Variants in LAMP5 observed in about 807,000 individuals in gnomAD.
LAMP5 encodes lysosome associated membrane protein 5.
Under a neutral mutation model 30.2 loss-of-function variants are expected in LAMP5, and 36 were observed. The ratio of observed to expected loss-of-function variants is 1.19; its 90% CI spans 0.91 to 1.57. The LOEUF is 1.57. LAMP5 is among the 40% of genes most tolerant of loss of function. LAMP5 has a pLI of 0.00. For synonymous variants in LAMP5, 149 were observed against 134.6 expected, an observed-to-expected ratio of 1.11 and a Z score of -0.74; for missense variants, 377 against 354.9, an observed-to-expected ratio of 1.06 and a Z score of -0.50.
intron 2 of LAMP5, 95 bp from the exon 3 acceptor site, chr20:9,515,905 C>A: frequency 1.5e-6 from 2 of 1,371,578 alleles, no homozygotes; most frequent in East Asian, 2.6e-5. Flanking sequence ...AAGGAGCGCC[C>A]AAGCGTGCAA....
At chr20:9,524,330 T>A (rs1416568446) in intron 5 of LAMP5, among the ~76,000 whole-genome samples, 1 of 152,146 alleles carries the variant, frequency 6.6e-6, no homozygotes, top group African/African-American at 2.4e-5. Flanking sequence ...TCTTAGTAGG[T>A]CATGAGCAGC....
intron 5 of LAMP5, among the ~76,000 whole-genome samples, chr20:9,528,336 G>T (rs1047623846): frequency 3.9e-5 from 6 of 152,044 alleles, no homozygotes; most frequent in Admixed American, 3.3e-4. Context: ...GTGTGTGTTT[G>T]TGTTGGGGAG....
At chr20:9,515,947 C>T in intron 2 of LAMP5, 53 bp from the exon 3 acceptor site, 2 of 1,445,280 alleles carry the variant, frequency 1.4e-6, no homozygotes, top group Non-Finnish European at 1.8e-6. Context: ...CCTTTACAGC[C>T]CCCGCCCCGG....
intron 2 of LAMP5, 150 bp from the exon 3 acceptor site, chr20:9,515,850 G>A: frequency 4.0e-6 from 4 of 991,576 alleles, no homozygotes; most frequent in Non-Finnish European, 5.7e-6. Context: ...GCTGCACGTA[G>A]AGCATCTAAC....
intron 5 of LAMP5, among the ~76,000 whole-genome samples, chr20:9,526,407 T>G (rs2045112660): frequency 6.6e-6 from 1 of 152,348 alleles, no homozygotes; most frequent in Non-Finnish European, 1.5e-5. Flanking sequence ...AGTGTTATCA[T>G]GAGGAAAATA....
In LAMP5 at chr20:9,516,370, A is replaced by C. The variant is rs2045040031; in HGVS notation, c.475+9A>C. Reference sequence around the variant, plus strand: ...CAAAGACGCAGTCAGTGGTGAGTGGAGGCTGGCATGGCTGGGGAGGGAGCC... The same window carrying C: ...CAAAGACGCAGTCAGTGGTGAGTGGCGGCTGGCATGGCTGGGGAGGGAGCC... On this transcript the variant is annotated intron_variant, in intron 4 of 5. Coordinates refer to ENST00000246070, the MANE Select transcript of LAMP5 (RefSeq NM_012261.4). 1 of 1,605,178 alleles carries C rather than the reference A, an allele frequency of 6.2e-7. No individual in the cohort carries two copies. Among genetic ancestry groups the C allele is most frequent in the East Asian group, 2.2e-5 (1 of 44,830 alleles).
intron 5 of LAMP5, among the ~76,000 whole-genome samples, chr20:9,520,481 C>T (rs1176085390): frequency 6.6e-6 from 1 of 152,068 alleles, no homozygotes; most frequent in Non-Finnish European, 1.5e-5. Context: ...AGCTCAGGGG[C>T]CTTTCGGTGT....
chr20:9,515,371 C>T, intron 1 of LAMP5, 82 bp from the exon 2 acceptor site: 1 of 1,347,162 alleles, frequency 7.4e-7, no homozygotes, highest in Non-Finnish European at 1.0e-6. Flanking sequence ...CCAAAGCCTG[C>T]AGAGCACTGT....
intron 5 of LAMP5, among the ~76,000 whole-genome samples, chr20:9,528,977 C>A (rs1186740242): frequency 6.6e-6 from 1 of 152,194 alleles, no homozygotes; most frequent in African/African-American, 2.4e-5. Context: ...TGAACATATG[C>A]CACAATTTAT....
At chr20:9,523,739 G>A (rs76293307) in intron 5 of LAMP5, among the ~76,000 whole-genome samples, 4,446 of 152,118 alleles carry the variant, frequency 0.029, 92 homozygotes, top group African/African-American at 0.066. Context: ...GTCCTGTGGA[G>A]GTGGATAGGG....
In LAMP5 at chr20:9,514,763, C is replaced by T; in HGVS notation, c.-90C>T. On this transcript the variant is annotated 5_prime_UTR_variant, in exon 1 of 6. Transcript: ENST00000246070. ...TTCTCTGTCCCCCGCCTCTCGCTCA[C>T]CCCGGCCCACTCCAGCGGCGACTTT... 2 of 1,214,288 alleles carry T rather than the reference C, an allele frequency of 1.6e-6. No individual in the cohort carries two copies. The highest frequency in any genetic ancestry group is 2.4e-6 in the Non-Finnish European group (2 of 829,782). The allele number at this position is 1,214,288 out of a possible 1,614,324, so 75.2% of individuals were successfully genotyped here.
At chr20:9,524,332 A>G (rs1313576989) in intron 5 of LAMP5, among the ~76,000 whole-genome samples, 2 of 152,206 alleles carry the variant, frequency 1.3e-5, no homozygotes, top group African/African-American at 4.8e-5. Flanking sequence ...TTAGTAGGTC[A>G]TGAGCAGCAT....
chr20:9,525,563 T>C (rs117945411), intron 5 of LAMP5, among the ~76,000 whole-genome samples: 1 of 152,238 alleles, frequency 6.6e-6, no homozygotes, highest in African/African-American at 2.4e-5. Context: ...GATGTGATGA[T>C]CTGGATCTAT....
At position 9,515,951 on chromosome 20, in the gene LAMP5, G is replaced by A. The variant is rs751322987; in HGVS notation, c.238-49G>A. 6.9e-6 allele frequency: 10 copies of A among 1,450,220 alleles called. 1 individual carries two copies. Among genetic ancestry groups the A allele is most frequent in the Middle Eastern group, 2.0e-4 (1 of 5,004 alleles). The allele number at this position is 1,450,220 out of a possible 1,614,324, so 89.8% of individuals were successfully genotyped here. A position where few individuals can be genotyped will look rare whatever the true frequency, so the allele number is the denominator to read the frequency against. On this transcript the variant is annotated intron_variant, in intron 2 of 5. Transcript: ENST00000246070. ...GGACGCGCCGCCCTTTACAGCCCCC[G>A]CCCCGGGGCCGGGCGAGCTGAGGGG...
At chr20:9,526,684 T>C (rs2045114407) in intron 5 of LAMP5, among the ~76,000 whole-genome samples, 1 of 151,950 alleles carries the variant, frequency 6.6e-6, no homozygotes, top group Admixed American at 6.6e-5. Context: ...TTCCTGAAAA[T>C]TCTTTTTCAA....
At chr20:9,523,915 T>C (rs1293467020) in intron 5 of LAMP5, among the ~76,000 whole-genome samples, 2 of 152,258 alleles carry the variant, frequency 1.3e-5, no homozygotes, top group African/African-American at 4.8e-5. Context: ...AGTTTATAGA[T>C]AGAATTCAGA....
In LAMP5 at chr20:9,529,686, T is replaced by C. The variant is rs753086372; in HGVS notation, c.709T>C (p.Leu237=). 4.3e-6 allele frequency: 7 copies of C among 1,614,224 alleles called. No homozygotes were observed. In the South Asian group the frequency reaches 5.5e-5, roughly 13 times the overall value. The change falls in exon 6 of 6, where the codon TTG becomes CTG. Residue 237 remains leucine (L), a synonymous_variant. Coordinates refer to ENST00000246070, the MANE Select transcript of LAMP5 (RefSeq NM_012261.4). ...VDEREQLEET[L]PLILGLILGL... ...TGAGCGGGAGCAACTGGAAGAAACCTTGCCCCTGATTTTGGGGCTCATCTT... is the reference window on the plus strand; with the variant it reads ...TGAGCGGGAGCAACTGGAAGAAACCCTGCCCCTGATTTTGGGGCTCATCTT...
At chr20:9,518,609 G>T (rs1056193338) in intron 5 of LAMP5, among the ~76,000 whole-genome samples, 77 of 152,146 alleles carry the variant, frequency 5.1e-4, no homozygotes, top group South Asian at 4.1e-4. Context: ...GATTTAAAAA[G>T]TCACTTTGGA....
At chr20:9,529,570 T>C in intron 5 of LAMP5, 72 bp from the exon 6 acceptor site, 1 of 1,467,338 alleles carries the variant, frequency 6.8e-7, no homozygotes, top group South Asian at 1.3e-5. Context: ...CCATTTCCCT[T>C]TTTGTTTTGT....
Sources: allele counts gnomAD v4.1 joint callset (sites outside exome capture counted in the v4.1 genomes callset), GRCh38; gene constraint gnomAD v4.1.1; transcripts MANE v1.5; gene names NCBI Gene and HGNC (gene_info 2026-07-23, HGNC 2026-07-21).